SDK1: variants seen among roughly 807,000 people sequenced by gnomAD.
SDK1 encodes sidekick cell adhesion molecule 1.
Under a neutral mutation model 245.5 loss-of-function variants are expected in SDK1, and 157 were observed. That is an observed-to-expected ratio of 0.64 (90% CI 0.56 to 0.73). SDK1 has a LOEUF of 0.73. Among genes scored for constraint, SDK1 ranks in the 30% least tolerant of loss-of-function variants. The probability of loss-of-function intolerance (pLI) is 0.00; values close to 1 mark genes in which losing one functional copy is unlikely to be tolerated. For missense variants in SDK1, 3,583 were observed against 3,002.3 expected (o/e 1.19, Z -4.52); for synonymous variants, 1,647 against 1,278.5 (o/e 1.29, Z -6.15).
chr7:4,243,550 G>A (rs1206949864), intron 43 of SDK1, among the ~76,000 whole-genome samples: 1 of 152,254 alleles, frequency 6.6e-6, no homozygotes, highest in Admixed American at 6.5e-5. Flanking sequence ...GAGGAGCAAA[G>A]TCACGTCTTA....
chr7:3,682,259 T>C (rs1171680801), intron 4 of SDK1, among the ~76,000 whole-genome samples: 1 of 152,202 alleles, frequency 6.6e-6, no homozygotes, highest in African/African-American at 2.4e-5. Flanking sequence ...TCTCACCCCA[T>C]GGCTTACTAA....
chr7:3,487,001 G>A (rs1414415872), intron 1 of SDK1, among the ~76,000 whole-genome samples: 2 of 152,166 alleles, frequency 1.3e-5, no homozygotes, highest in Non-Finnish European at 2.9e-5. Context: ...AACAGAGGTT[G>A]GCAATTTTTT....
chr7:3,696,906 C>A (rs527346840), intron 4 of SDK1, among the ~76,000 whole-genome samples: 2 of 150,744 alleles, frequency 1.3e-5, no homozygotes, highest in South Asian at 4.2e-4. Flanking sequence ...CATAGAAGTT[C>A]CTTTAAAAAA....
chr7:3,435,440 C>T (rs1779994827), intron 1 of SDK1, among the ~76,000 whole-genome samples: 1 of 146,850 alleles, frequency 6.8e-6, no homozygotes, highest in African/African-American at 2.5e-5. Context: ...AAGCAATTAT[C>T]CTGCCTCAGG....
intron 19 of SDK1, among the ~76,000 whole-genome samples, chr7:4,054,602 T>G (rs1438148451): frequency 2.0e-5 from 3 of 152,184 alleles, no homozygotes; most frequent in Admixed American, 6.5e-5. Flanking sequence ...CTTTCTAACC[T>G]GTATGCCTTT....
At chr7:3,448,065 G>T (rs1780397989) in intron 1 of SDK1, among the ~76,000 whole-genome samples, 1 of 151,974 alleles carries the variant, frequency 6.6e-6, no homozygotes, top group Non-Finnish European at 1.5e-5. Flanking sequence ...TCTGATAATG[G>T]GACTGACAGT....
intron 5 of SDK1, among the ~76,000 whole-genome samples, chr7:3,848,945 C>T (rs1583473797): frequency 6.6e-6 from 1 of 152,232 alleles, no homozygotes; most frequent in Admixed American, 6.5e-5. Flanking sequence ...GCCGGGATTA[C>T]AGGCGTGAGC....
At chr7:3,417,266 A>G (rs963705901) in intron 1 of SDK1, among the ~76,000 whole-genome samples, 5 of 152,214 alleles carry the variant, frequency 3.3e-5, no homozygotes, top group African/African-American at 4.8e-5. Flanking sequence ...ATAATTTTAC[A>G]TTTAAAACTA....
chr7:4,157,909 G>T (rs929867661), intron 30 of SDK1, among the ~76,000 whole-genome samples: 1 of 152,158 alleles, frequency 6.6e-6, no homozygotes, highest in Non-Finnish European at 1.5e-5. Flanking sequence ...AATGCTGCAA[G>T]GCTGGGTCTG....
At chr7:3,916,254 T>A (rs1336102282) in intron 5 of SDK1, among the ~76,000 whole-genome samples, 1 of 152,166 alleles carries the variant, frequency 6.6e-6, no homozygotes, top group Non-Finnish European at 1.5e-5. Flanking sequence ...AGAAAGGGAA[T>A]CAGGGAAAGT....
chr7:4,222,477 TAG>T (rs1457854710), intron 40 of SDK1, among the ~76,000 whole-genome samples: 1 of 151,988 alleles, frequency 6.6e-6, no homozygotes, highest in Non-Finnish European at 1.5e-5. Flanking sequence ...ATATTTTTAG[TAG>T]AGAGGGGGTT....
At chr7:3,979,855 A>T (rs562549387) in intron 13 of SDK1, among the ~76,000 whole-genome samples, 1 of 152,212 alleles carries the variant, frequency 6.6e-6, no homozygotes, top group Non-Finnish European at 1.5e-5. Context: ...TTGTTAAATC[A>T]TTTAAAGACC....
intron 5 of SDK1, among the ~76,000 whole-genome samples, chr7:3,826,244 C>G (rs943915469): frequency 6.6e-6 from 1 of 152,180 alleles, no homozygotes; most frequent in Non-Finnish European, 1.5e-5. Context: ...CTTATCAATT[C>G]TAAGCATTAA....
intron 4 of SDK1, among the ~76,000 whole-genome samples, chr7:3,787,661 C>G (rs1365280241): frequency 6.6e-6 from 1 of 152,064 alleles, no homozygotes; most frequent in African/African-American, 2.4e-5. Flanking sequence ...CTGGCCCGAG[C>G]CCTACCTGTC....
intron 1 of SDK1, among the ~76,000 whole-genome samples, chr7:3,398,317 G>C (rs1447344277): frequency 1.3e-5 from 2 of 152,074 alleles, no homozygotes; most frequent in African/African-American, 4.8e-5. Context: ...TAGTGATAAG[G>C]TGTTGCGGAG....
chr7:3,347,660 T>C (rs1780544794), intron 1 of SDK1, among the ~76,000 whole-genome samples: 1 of 152,198 alleles, frequency 6.6e-6, no homozygotes, highest in African/African-American at 2.4e-5. Context: ...ATTTAGTTTA[T>C]ATTCCTAAGT....
chr7:3,762,157 T>A (rs1562424471), intron 4 of SDK1, among the ~76,000 whole-genome samples: 1 of 152,326 alleles, frequency 6.6e-6, no homozygotes, highest in East Asian at 1.9e-4. Flanking sequence ...GCTATTGAAA[T>A]CTAAATACTC....
chr7:3,733,922 G>T lies in SDK1; in HGVS notation c.714-87528G>T, dbSNP rs534937172. 1.3e-5 allele frequency among the ~76,000 whole-genome samples: 2 copies of T among 152,240 alleles called. 1 individual carries two copies. The highest frequency in any genetic ancestry group is 4.1e-4 in the South Asian group (2 of 4,822). On this transcript the variant is annotated intron_variant, in intron 4 of 44. Coordinates refer to ENST00000404826, the MANE Select transcript of SDK1 (RefSeq NM_152744.4). ...TGGAGTCTGCCCAGAGCTACTGACC[G>T]AGATCTCCAAAGACTGAGCCCGGAG...
At chr7:4,218,101 C>T (rs1405735746) in intron 38 of SDK1, among the ~76,000 whole-genome samples, 1 of 152,146 alleles carries the variant, frequency 6.6e-6, no homozygotes, top group Non-Finnish European at 1.5e-5. Flanking sequence ...TGGAGGGTCA[C>T]CCAAAAGTAG....
Sources: gnomAD v4.1 joint callset for allele counts (sites outside exome capture counted in the v4.1 genomes callset) on GRCh38, gnomAD v4.1.1 for gene constraint, MANE v1.5 for transcripts, NCBI Gene and HGNC (gene_info 2026-07-23, HGNC 2026-07-21) for gene names.